The following TAFA5 variants were observed in gnomAD, a reference collection of about 807,000 sequenced individuals.
TAFA5 encodes TAFA chemokine like family member 5.
TAFA5 carries 6 observed loss-of-function variants against 15.3 expected under a neutral mutation model. The ratio of observed to expected loss-of-function variants is 0.39; its 90% CI spans 0.21 to 0.77. TAFA5 has a LOEUF of 0.77. Ranked by LOEUF, TAFA5 falls within the 30% of genes least tolerant of loss-of-function variation. TAFA5 has a pLI of 0.41. For missense variants in TAFA5, 161 were observed against 193.1 expected (o/e 0.83, Z 0.98); for synonymous variants, 103 against 80.7 (o/e 1.28, Z -1.48).
intron 1 of TAFA5, chr22:48,576,502 TG>T: frequency 6.7e-7 from 1 of 1,495,682 alleles, no homozygotes; most frequent in Non-Finnish European, 9.0e-7. Flanking sequence ...GAAGGCGCTC[TG>T]GGCACTGGCA....
chr22:48,489,952 G>C lies in TAFA5; in HGVS notation c.112+248G>C, dbSNP rs564334023. ...CGAGCCTCCCTTCCCTGACTCCCCG[G>C]CAGGGCCCGGGCTCCAGGCCCCGGG... On this transcript the variant is annotated intron_variant, in intron 1 of 3. Transcript: ENST00000402357. This position sits in a 1 kb window ranked among gnomAD's most constrained non-coding sequence, Gnocchi z 5.5. Among the ~76,000 whole-genome samples, 5 of 151,940 alleles carry C rather than the reference G, an allele frequency of 3.3e-5. No homozygotes were observed. In the South Asian group the frequency reaches 1.0e-3, roughly 31 times the overall value.
rs552936656 is a variant in TAFA5, at chr22:48,629,988, G to A, written c.113-16609G>A. Among the ~76,000 whole-genome samples, 3 of 152,336 alleles carry A rather than the reference G, an allele frequency of 2.0e-5. No homozygotes were observed. In the South Asian group the frequency reaches 6.2e-4, roughly 32 times the overall value. ...TGGCTGGGGAGCCCCAGATGTCCAG[G>A]GATCCCTGGGTCACCCTGTAAGCTG... On this transcript the variant is annotated intron_variant, in intron 1 of 3. Transcript: ENST00000402357.
At chr22:48,668,755 G>T (rs1315728645) in intron 2 of TAFA5, among the ~76,000 whole-genome samples, 1 of 152,122 alleles carries the variant, frequency 6.6e-6, no homozygotes, top group Non-Finnish European at 1.5e-5. Flanking sequence ...TCTTCACTGG[G>T]AGCTGTAGTC....
At chr22:48,617,118 G>A (rs979950618) in intron 1 of TAFA5, among the ~76,000 whole-genome samples, 2 of 152,186 alleles carry the variant, frequency 1.3e-5, no homozygotes, top group Non-Finnish European at 2.9e-5. Context: ...TGGAACCTGC[G>A]GATGTGTCAT....
intron 1 of TAFA5, among the ~76,000 whole-genome samples, chr22:48,605,152 T>TG (rs1569043966): frequency 9.8e-5 from 1 of 10,242 alleles, no homozygotes; most frequent in Non-Finnish European, 2.1e-4. Flanking sequence ...TGATGATGGT[T>TG]ATGGTGGTTA....
At chr22:48,608,237 C>T (rs1000378699) in intron 1 of TAFA5, among the ~76,000 whole-genome samples, 2 of 150,016 alleles carry the variant, frequency 1.3e-5, no homozygotes, top group African/African-American at 2.5e-5. Flanking sequence ...TTAGGAAATA[C>T]AGAAACACCT....
chr22:48,578,721 C>T (rs1428667165), intron 1 of TAFA5, among the ~76,000 whole-genome samples: 1 of 152,190 alleles, frequency 6.6e-6, no homozygotes, highest in Admixed American at 6.5e-5. Context: ...CTTCACCACC[C>T]TGGGTTGAGC....
intron 2 of TAFA5, among the ~76,000 whole-genome samples, chr22:48,681,802 C>A (rs1479551453): frequency 6.6e-6 from 1 of 151,680 alleles, no homozygotes; most frequent in African/African-American, 2.4e-5. Flanking sequence ...CACTCCGGAT[C>A]CTGGGGTGTT....
intron 1 of TAFA5, among the ~76,000 whole-genome samples, chr22:48,527,604 C>T (rs1251130119): frequency 6.6e-6 from 1 of 152,218 alleles, no homozygotes; most frequent in Non-Finnish European, 1.5e-5. Context: ...CCTTCCAGCT[C>T]TTGTAAGTCT....
intron 2 of TAFA5, among the ~76,000 whole-genome samples, chr22:48,672,911 A>C (rs1439151094): frequency 6.6e-6 from 1 of 152,204 alleles, no homozygotes; most frequent in Admixed American, 6.5e-5. Context: ...TTTCATCACT[A>C]TAAAGACCAC....
intron 1 of TAFA5, among the ~76,000 whole-genome samples, chr22:48,533,456 C>T (rs1391022879): frequency 6.6e-6 from 1 of 152,204 alleles, no homozygotes; most frequent in Non-Finnish European, 1.5e-5. Context: ...AGGTCTTCAG[C>T]GTCTTGGCCT....
intron 1 of TAFA5, chr22:48,576,451 C>G: frequency 7.2e-7 from 1 of 1,380,980 alleles, no homozygotes; most frequent in Non-Finnish European, 9.5e-7. Context: ...TGCGCGACTT[C>G]GGGGGCGTCG....
At chr22:48,609,331 G>A (rs751813239) in intron 1 of TAFA5, among the ~76,000 whole-genome samples, 2 of 152,212 alleles carry the variant, frequency 1.3e-5, no homozygotes. Flanking sequence ...GACCTTCGTG[G>A]ACGCTCGGCC....
At chr22:48,601,464 C>T (rs1924970766) in intron 1 of TAFA5, among the ~76,000 whole-genome samples, 1 of 152,110 alleles carries the variant, frequency 6.6e-6, no homozygotes, top group Non-Finnish European at 1.5e-5. Flanking sequence ...GTAGCTGGGA[C>T]TACAGGCATG....
intron 1 of TAFA5, among the ~76,000 whole-genome samples, chr22:48,617,567 C>T (rs1488890138): frequency 6.6e-6 from 1 of 152,250 alleles, no homozygotes; most frequent in African/African-American, 2.4e-5. Context: ...CCTCGGCACT[C>T]ACTGTCCTCA....
chr22:48,631,807 G>A lies in TAFA5; in HGVS notation c.113-14790G>A, dbSNP rs544950606. 2.6e-5 allele frequency among the ~76,000 whole-genome samples: 4 copies of A among 152,276 alleles called. No homozygotes were observed. The South Asian group carries it at 6.2e-4, about 24-fold the overall frequency. On this transcript the variant is annotated intron_variant, in intron 1 of 3. Transcript: ENST00000402357. ...CGGAATGTAAAGGGTCTGCGTGGCC[G>A]TGTGGGAAGGACAGCAGGGGGCCTA...
rs771369233 is a variant in TAFA5, at chr22:48,550,789, C to G, written c.112+61085C>G. Among the ~76,000 whole-genome samples, 3 of 152,136 alleles carry G rather than the reference C, an allele frequency of 2.0e-5. No individual in the cohort carries two copies. The highest frequency in any genetic ancestry group is 2.9e-5 in the Non-Finnish European group (2 of 68,026). On this transcript the variant is annotated intron_variant, in intron 1 of 3. Coordinates refer to ENST00000402357, the MANE Select transcript of TAFA5 (RefSeq NM_001082967.3). This position sits in a 1 kb window ranked among gnomAD's most constrained non-coding sequence, Gnocchi z 4.1. ...GTGTCTGGGCTCCAGAAAGCTTTCT[C>G]TGACCTTCTTGTTCTCGGGAAAGAG...
intron 1 of TAFA5, among the ~76,000 whole-genome samples, chr22:48,507,840 G>A (rs1393754873): frequency 1.3e-5 from 2 of 152,178 alleles, no homozygotes; most frequent in Non-Finnish European, 2.9e-5. Flanking sequence ...AGCGCTAGGT[G>A]TTTGAGGAGC....
intron 3 of TAFA5, among the ~76,000 whole-genome samples, chr22:48,727,626 A>G (rs1929750928): frequency 6.6e-6 from 1 of 152,236 alleles, no homozygotes; most frequent in Non-Finnish European, 1.5e-5. Flanking sequence ...ATAAATGTAA[A>G]TGGATTAGTC....
Sources: allele counts gnomAD v4.1 joint callset (sites outside exome capture counted in the v4.1 genomes callset), GRCh38; gene constraint gnomAD v4.1.1; non-coding constraint Gnocchi (gnomAD v3.1); transcripts MANE v1.5; gene names NCBI Gene and HGNC (gene_info 2026-07-23, HGNC 2026-07-21).